The following TNR variants were observed in gnomAD, a reference collection of about 807,000 sequenced individuals.
The protein encoded by TNR is tenascin-R.
TNR carries 45 observed loss-of-function variants against 150.4 expected under a neutral mutation model. The ratio of observed to expected loss-of-function variants is 0.30; its 90% CI spans 0.24 to 0.38. The LOEUF is 0.38. Among genes scored for constraint, TNR ranks in the 10% least tolerant of loss-of-function variants. The pLI, the probability that TNR is intolerant of heterozygous loss-of-function variation, is 1.00. For synonymous variants in TNR, 687 were observed against 678.4 expected (o/e 1.01, Z -0.20); for missense variants, 1,544 against 1,759.1 (o/e 0.88, Z 2.19).
intron 18 of TNR, among the ~76,000 whole-genome samples, chr1:175,343,023 C>T (rs1571316703): frequency 1.3e-5 from 2 of 152,302 alleles, no homozygotes; most frequent in East Asian, 3.9e-4. Flanking sequence ...CCTGATGACA[C>T]TTCCTACTGG....
At chr1:175,700,480 T>C (rs561687967) in intron 1 of TNR, among the ~76,000 whole-genome samples, 1 of 152,210 alleles carries the variant, frequency 6.6e-6, no homozygotes, top group Admixed American at 6.5e-5. Context: ...GAGAAGCAGA[T>C]AGGCAACATG....
chr1:175,530,409 G>A (rs949692486), intron 1 of TNR, among the ~76,000 whole-genome samples: 2 of 152,328 alleles, frequency 1.3e-5, no homozygotes, highest in African/African-American at 2.4e-5. Context: ...TTGGCTGGTG[G>A]TGATTCCTGA....
chr1:175,650,844 C>G lies in TNR; in HGVS notation c.-165+92382G>C, dbSNP rs1345810024. ...CCTCCTTACTACCCCTCCCCCACCT[C>G]ATTACTACCCATCTCCCACCTCATT... On this transcript the variant is annotated intron_variant, in intron 1 of 22. Coordinates refer to ENST00000367674, the MANE Select transcript of TNR (RefSeq NM_003285.3). Among the ~76,000 whole-genome samples, 18 of 45,278 alleles carry G rather than the reference C, an allele frequency of 4.0e-4. 1 individual carries two copies. Among genetic ancestry groups the G allele is most frequent in the Middle Eastern group, 0.013 (1 of 76 alleles). The allele number at this position is 45,278 out of a possible 152,430, so 29.7% of individuals were successfully genotyped here.
At chr1:175,631,088 C>T (rs929549315) in intron 1 of TNR, among the ~76,000 whole-genome samples, 1 of 152,170 alleles carries the variant, frequency 6.6e-6, no homozygotes, top group African/African-American at 2.4e-5. Context: ...GAAATAGGAC[C>T]TGGAATGTCC....
At chr1:175,490,389 A>G (rs1194780787) in intron 2 of TNR, among the ~76,000 whole-genome samples, 1 of 152,244 alleles carries the variant, frequency 6.6e-6, no homozygotes, top group Non-Finnish European at 1.5e-5. Context: ...TAAGTAAACT[A>G]AAGAGCTTCT....
Position 175,640,514 on chromosome 1 carries a change from TA to T in TNR, c.-165+102711del, listed in dbSNP as rs529369699. On this transcript the variant is annotated intron_variant, in intron 1 of 22. Coordinates refer to ENST00000367674, the MANE Select transcript of TNR (RefSeq NM_003285.3). ...TCCAATTAGTTCAGAATCTTTATTC[TA>T]AAAGCTTACTTTGCCCTACCTACTT... 4.2e-3 allele frequency among the ~76,000 whole-genome samples: 642 copies of T among 152,296 alleles called. 4 individuals carry two copies. The highest frequency in any genetic ancestry group is 0.015 in the African/African-American group (608 of 41,564).
intron 4 of TNR, among the ~76,000 whole-genome samples, chr1:175,400,609 G>T (rs965997623): frequency 1.3e-5 from 2 of 152,164 alleles, no homozygotes; most frequent in African/African-American, 4.8e-5. Flanking sequence ...AGACCTAGGG[G>T]GCCTCAGAAT....
At chr1:175,401,314 T>C (rs1332659239) in intron 4 of TNR, among the ~76,000 whole-genome samples, 1 of 152,116 alleles carries the variant, frequency 6.6e-6, no homozygotes, top group Non-Finnish European at 1.5e-5. Context: ...CAGAATAGCA[T>C]TAACACAGCG....
chr1:175,552,888 T>A (rs1282368905), intron 1 of TNR, among the ~76,000 whole-genome samples: 1 of 152,196 alleles, frequency 6.6e-6, no homozygotes, highest in Non-Finnish European at 1.5e-5. Context: ...CCTAATCAGA[T>A]AAACCGTGAG....
intron 20 of TNR, among the ~76,000 whole-genome samples, chr1:175,331,239 T>TTCCC (rs1176633981): frequency 1.2e-3 from 144 of 120,480 alleles, no homozygotes; most frequent in South Asian, 2.0e-3. Flanking sequence ...CCTCCCCTCC[T>TTCCC]TCCCTCCCTC....
chr1:175,372,335 G>A (rs773260266), intron 9 of TNR, among the ~76,000 whole-genome samples: 2 of 152,252 alleles, frequency 1.3e-5, no homozygotes, highest in Non-Finnish European at 2.9e-5. Flanking sequence ...TGCTAACTAA[G>A]AGGACAAGAT....
intron 1 of TNR, among the ~76,000 whole-genome samples, chr1:175,588,618 T>C (rs1662672428): frequency 6.6e-6 from 1 of 152,152 alleles, no homozygotes; most frequent in Admixed American, 6.5e-5. Flanking sequence ...CACGGGCTGC[T>C]CTGGTTGAAG....
intron 1 of TNR, among the ~76,000 whole-genome samples, chr1:175,571,188 T>C (rs1401132090): frequency 6.6e-6 from 1 of 152,228 alleles, no homozygotes; most frequent in Non-Finnish European, 1.5e-5. Flanking sequence ...GAAGCTATCA[T>C]AACATGGGAC....
At chr1:175,611,517 A>G (rs964619681) in intron 1 of TNR, among the ~76,000 whole-genome samples, 2 of 152,088 alleles carry the variant, frequency 1.3e-5, no homozygotes, top group African/African-American at 2.4e-5. Flanking sequence ...AAATTTTTAA[A>G]GAGATGGGGT....
At chr1:175,372,985 T>C (rs1652174543) in intron 9 of TNR, among the ~76,000 whole-genome samples, 1 of 152,178 alleles carries the variant, frequency 6.6e-6, no homozygotes, top group African/African-American at 2.4e-5. Context: ...TTATTGTTAG[T>C]TTTCATGTTG....
intron 20 of TNR, among the ~76,000 whole-genome samples, chr1:175,331,059 T>TTCTTTC (rs1649800748): frequency 8.2e-6 from 1 of 121,766 alleles, no homozygotes; most frequent in Admixed American, 8.5e-5. Flanking sequence ...CTTTCTTTCT[T>TTCTTTC]TCTTTCTTTC....
intron 1 of TNR, among the ~76,000 whole-genome samples, chr1:175,645,296 C>G (rs1664777306): frequency 6.6e-6 from 1 of 152,074 alleles, no homozygotes; most frequent in African/African-American, 2.4e-5. Context: ...GAAAATGAAG[C>G]AGAAGGACAG....
intron 1 of TNR, among the ~76,000 whole-genome samples, chr1:175,535,513 T>G (rs1194354292): frequency 6.6e-6 from 1 of 151,988 alleles, no homozygotes; most frequent in Non-Finnish European, 1.5e-5. Context: ...CAGGCTGGAG[T>G]GCAGTGGCGC....
At chr1:175,442,220 C>T (rs958749587) in intron 2 of TNR, among the ~76,000 whole-genome samples, 1 of 152,126 alleles carries the variant, frequency 6.6e-6, no homozygotes, top group Non-Finnish European at 1.5e-5. Context: ...CCTCTCTTCC[C>T]CCTTCTCTTT....
Sources: allele counts gnomAD v4.1 joint callset (sites outside exome capture counted in the v4.1 genomes callset), GRCh38; gene constraint gnomAD v4.1.1; transcripts MANE v1.5; gene names NCBI Gene and HGNC (gene_info 2026-07-23, HGNC 2026-07-21).